Variants in PPIP5K2 observed in about 807,000 individuals in gnomAD.
PPIP5K2 encodes the protein diphosphoinositol pentakisphosphate kinase 2.
Under a neutral mutation model 154.6 loss-of-function variants are expected in PPIP5K2, and 105 were observed. The observed-to-expected ratio is 0.68, with a 90% CI of 0.58 to 0.80. The LOEUF (loss-of-function observed/expected upper bound fraction) is 0.80, where lower values mean the gene tolerates loss of function less well. Ranked by LOEUF, PPIP5K2 falls within the 30% of genes least tolerant of loss-of-function variation. The pLI, the probability that PPIP5K2 is intolerant of heterozygous loss-of-function variation, is 0.00. For synonymous variants in PPIP5K2, 480 were observed against 490.3 expected (o/e 0.98, Z 0.28); for missense variants, 992 against 1,504.6 (o/e 0.66, Z 5.64).
At chr5:103,161,470 T>C in intron 17 of PPIP5K2, among the ~76,000 whole-genome samples, 1 of 152,358 alleles carries the variant, frequency 6.6e-6, no homozygotes, top group Non-Finnish European at 1.5e-5. Context: ...TTTGGGTATA[T>C]ACCCAGTAAT....
chr5:103,168,810 G>GT (rs1262144815), intron 19 of PPIP5K2, among the ~76,000 whole-genome samples: 5 of 151,032 alleles, frequency 3.3e-5, no homozygotes, highest in African/African-American at 4.9e-5. Context: ...AGGTAGTAAA[G>GT]TTTTTTTTTA....
rs1803281466 is a variant in PPIP5K2 at position 103,203,399 on chromosome 5, T to G, written c.*1765T>G. 6.6e-6 allele frequency: 1 copy of G among 152,212 alleles called. No individual in the cohort carries two copies. The highest frequency in any genetic ancestry group is 1.5e-5 in the Non-Finnish European group (1 of 68,022). 9.4% of individuals were successfully genotyped at this position (152,212 alleles called of 1,614,324 possible). On this transcript the variant is annotated 3_prime_UTR_variant, in exon 31 of 31. Transcript: ENST00000358359. ...GTACAACTAACTTTTTCCATTGTTA[T>G]GCAAGAACTATTACTTTCCTGTAGT...
At chr5:103,164,306 ATTG>A (rs1796807533) in intron 17 of PPIP5K2, among the ~76,000 whole-genome samples, 2 of 151,920 alleles carry the variant, frequency 1.3e-5, no homozygotes. Context: ...TCAAAGAACC[ATTG>A]TTAAGATTTG....
intron 5 of PPIP5K2, among the ~76,000 whole-genome samples, chr5:103,143,965 G>A (rs114064919): frequency 1.4e-3 from 209 of 152,006 alleles, no homozygotes; most frequent in African/African-American, 4.8e-3. Flanking sequence ...GAAATAAAGG[G>A]CATCCAAATT....
intron 13 of PPIP5K2, 48 bp downstream of exon 13, chr5:103,154,991 T>C (rs1795183998): frequency 2.8e-6 from 3 of 1,088,360 alleles, no homozygotes; most frequent in Non-Finnish European, 3.9e-6. Context: ...ATATAGCTCT[T>C]CTTTTTTATG....
chr5:103,159,076 A>G, intron 16 of PPIP5K2, 70 bp from the exon 17 acceptor site: 3 of 1,047,348 alleles, frequency 2.9e-6, no homozygotes, highest in Non-Finnish European at 4.0e-6. Context: ...TATGAAAATC[A>G]GTATGTAACA....
intron 17 of PPIP5K2, among the ~76,000 whole-genome samples, chr5:103,161,154 C>T (rs1198682100): frequency 1.3e-5 from 2 of 149,596 alleles, no homozygotes; most frequent in African/African-American, 4.9e-5. Flanking sequence ...GTTCCCCTTC[C>T]TGTGTCCAAG....
At chr5:103,121,797 AGTT>A (rs1388232932) in intron 1 of PPIP5K2, among the ~76,000 whole-genome samples, 3 of 152,260 alleles carry the variant, frequency 2.0e-5, no homozygotes, top group Non-Finnish European at 4.4e-5. Context: ...CTTTCAGAGT[AGTT>A]GTTGTGAGGG....
rs1392559862 is a variant in PPIP5K2 at position 103,206,089 on chromosome 5, C to T, written c.*4455C>T. ...TTTTGTCTTTCTGTAACAATACTTT[C>T]CACTGCAAGTAGGAAAATTCCAATT... On this transcript the variant is annotated 3_prime_UTR_variant, in exon 31 of 31. Transcript: ENST00000358359. 4 of 152,220 alleles carry T rather than the reference C, an allele frequency of 2.6e-5. No homozygotes were observed. The East Asian group carries it at 7.7e-4, about 29-fold the overall frequency. 9.4% of individuals were successfully genotyped at this position (152,220 alleles called of 1,614,324 possible). A position where few individuals can be genotyped will look rare whatever the true frequency, so the allele number is the denominator to read the frequency against.
intron 1 of PPIP5K2, among the ~76,000 whole-genome samples, chr5:103,124,247 T>A (rs1355322671): frequency 7.1e-6 from 1 of 141,082 alleles, no homozygotes; most frequent in African/African-American, 2.7e-5. Context: ...GCCACTGCAC[T>A]CCAACCTGGG....
rs189201957 is a variant in PPIP5K2, at chr5:103,181,858, G to A, written c.2923-1376G>A. 2.0e-5 allele frequency among the ~76,000 whole-genome samples: 3 copies of A among 152,012 alleles called. No homozygotes were observed. In the East Asian group the frequency reaches 5.8e-4, roughly 29 times the overall value. ...TGCTCCAGTTTGACAATTTTGTATA[G>A]GCAAAAATCTGTCCATAAAGTAGAT... On this transcript the variant is annotated intron_variant, in intron 24 of 30. Transcript: ENST00000358359.
intron 17 of PPIP5K2, among the ~76,000 whole-genome samples, chr5:103,160,960 T>C (rs1490616542): frequency 1.3e-5 from 2 of 151,892 alleles, no homozygotes; most frequent in African/African-American, 4.8e-5. Flanking sequence ...TTTCATTCTT[T>C]TTTTTTTTTA....
rs375925909 is a variant in PPIP5K2, at chr5:103,180,193, G to A, written c.2922+5G>A. 1.3e-6 allele frequency: 2 copies of A among 1,579,168 alleles called. No homozygotes were observed. Among genetic ancestry groups the A allele is most frequent in the Non-Finnish European group, 1.7e-6 (2 of 1,166,992 alleles). On this transcript the variant is annotated splice_donor_5th_base_variant and intron_variant, in intron 24 of 30. Transcript: ENST00000358359. The stretch of plus-strand genomic sequence containing the variant: ...AGGAAGACGGCTACAAATGATGTAA[G>A]TATATGTATCAGAACACATTTTTCA...
Position 103,204,860 on chromosome 5 carries a change from G to A in PPIP5K2, c.*3226G>A, listed in dbSNP as rs904142451. Reference sequence around the variant, plus strand: ...GCTCCTTAACTAAATATATTACTGAGTTTTTTTTTTAATACTGTAAGTTCT... The same window carrying A: ...GCTCCTTAACTAAATATATTACTGAATTTTTTTTTTAATACTGTAAGTTCT... On this transcript the variant is annotated 3_prime_UTR_variant, in exon 31 of 31. Transcript: ENST00000358359. 6.7e-6 allele frequency: 1 copy of A among 149,398 alleles called. No individual in the cohort carries two copies. Among genetic ancestry groups the A allele is most frequent in the South Asian group, 2.1e-4 (1 of 4,694 alleles). The allele number at this position is 149,398 out of a possible 1,614,324, so 9.3% of individuals were successfully genotyped here.
intron 30 of PPIP5K2, among the ~76,000 whole-genome samples, chr5:103,199,287 C>A (rs559778354): frequency 6.6e-6 from 1 of 152,182 alleles, no homozygotes; most frequent in African/African-American, 2.4e-5. Flanking sequence ...GTTTCGTTTG[C>A]CTTCAGCCTG....
At chr5:103,197,893 TA>T (rs1413257928) in intron 30 of PPIP5K2, among the ~76,000 whole-genome samples, 1 of 151,790 alleles carries the variant, frequency 6.6e-6, no homozygotes, top group African/African-American at 2.4e-5. Flanking sequence ...ACACAATTTT[TA>T]AAAAATTATT....
At chr5:103,177,560 A>G in intron 21 of PPIP5K2, 107 bp from the exon 22 acceptor site, 1 of 636,404 alleles carries the variant, frequency 1.6e-6, no homozygotes, top group Non-Finnish European at 2.6e-6. Context: ...ATAAGTATTC[A>G]CTTTATGTGG....
At chr5:103,164,517 C>T (rs1554217132) in intron 17 of PPIP5K2, among the ~76,000 whole-genome samples, 3 of 152,094 alleles carry the variant, frequency 2.0e-5, no homozygotes, top group African/African-American at 7.2e-5. Flanking sequence ...TTCCTTTATG[C>T]ACTCTTTTGA....
In PPIP5K2 at chr5:103,154,652, TTCTG is replaced by T. The variant is rs1554212435; in HGVS notation, c.1218-14_1218-11del. ...TAATTATTGCAAGTGACTAACAGTG[TTCTG>T]TCTTTTTTATAAGATTTTTTGATCT... On this transcript the variant is annotated splice_polypyrimidine_tract_variant and intron_variant, in intron 11 of 30. Transcript: ENST00000358359. The T allele has an allele frequency of 3.6e-6, 5 of 1,399,750 alleles. No homozygotes were observed. Among genetic ancestry groups the T allele is most frequent in the African/African-American group, 1.4e-5 (1 of 69,060 alleles). The allele number at this position is 1,399,750 out of a possible 1,614,324, so 86.7% of individuals were successfully genotyped here.
Sources: allele counts gnomAD v4.1 joint callset (sites outside exome capture counted in the v4.1 genomes callset), GRCh38; gene constraint gnomAD v4.1.1; transcripts MANE v1.5; gene names NCBI Gene and HGNC (gene_info 2026-07-23, HGNC 2026-07-21).